Variants in RLN2 observed in about 807,000 individuals in gnomAD.
RLN2 encodes the protein prorelaxin H2.
In RLN2, 10 loss-of-function variants were observed where a neutral mutation model predicts 7.3. The observed-to-expected ratio is 1.36, with a 90% CI of 0.84 to 2.31. The LOEUF (loss-of-function observed/expected upper bound fraction) is 2.31, where lower values mean the gene tolerates loss of function less well. Ranked by LOEUF, RLN2 falls within the 30% of genes most tolerant of loss-of-function variation. The pLI is 0.00. For missense variants in RLN2, 298 were observed against 217.6 expected (o/e 1.37, Z -2.32); for synonymous variants, 103 against 82.3 (o/e 1.25, Z -1.36).
rs373653414 is a variant in RLN2, at chr9:5,300,288, C to G, written c.368G>C (p.Ser123Thr). The G allele has an allele frequency of 4.3e-6, 7 of 1,613,846 alleles. No homozygotes were observed. In the African/African-American group the frequency reaches 9.3e-5, roughly 22 times the overall value. ...TTTCTTAAATTCTTCAAAGAGAAGA[C>G]TGGAATCTTTTAATACAGGTACATG... ...QQHVPVLKDS[S>T]LLFEEFKKLI... is the part of the protein sequence containing the mutation. Residue 123 changes from serine (S) to threonine (T), a missense_variant, in exon 2 of 2, where the codon AGT becomes ACT. By Grantham distance (58) the Ser-to-Thr change is moderately conservative (BLOSUM62 1). Coordinates refer to ENST00000381627, the MANE Select transcript of RLN2 (RefSeq NM_134441.3).
the RLN2 span, among the ~76,000 whole-genome samples, chr9:5,321,188 T>G: frequency 6.6e-6 from 1 of 152,118 alleles, no homozygotes; most frequent in African/African-American, 2.4e-5. Context: ...ATTTTAGTGG[T>G]AAGTATGAAT....
chr9:5,300,465 G>T (rs41313460), intron 1 of RLN2, 21 bp from the exon 2 acceptor site: 6 of 1,525,700 alleles, frequency 3.9e-6, no homozygotes, highest in South Asian at 2.4e-5. Context: ...TAAAAAAAAA[G>T]GTGTATGTGA....
Position 5,301,963 on chromosome 9 carries a change from C to G in RLN2, c.212-1519G>C, listed in dbSNP as rs1178854261. 3.3e-5 allele frequency among the ~76,000 whole-genome samples: 5 copies of G among 152,200 alleles called. No homozygotes were observed. The East Asian group carries it at 9.6e-4, about 29-fold the overall frequency. On this transcript the variant is annotated intron_variant, in intron 1 of 1. Transcript: ENST00000381627. ...AATGAGAGGTTTTGGCATTTCCCCT[C>G]AGTAAGACATCCTAAGTTTAATTCA... is the stretch of plus-strand genomic sequence containing the variant.
chr9:5,311,251 A>C, the RLN2 span, among the ~76,000 whole-genome samples: 2 of 152,000 alleles, frequency 1.3e-5, no homozygotes, highest in Non-Finnish European at 2.9e-5. Flanking sequence ...TTTATTTCAC[A>C]TGTACAAGAT....
upstream of RLN2, among the ~76,000 whole-genome samples, chr9:5,307,884 T>C (rs1182644587): frequency 6.6e-6 from 1 of 152,070 alleles, no homozygotes; most frequent in Non-Finnish European, 1.5e-5. Flanking sequence ...TTTTAAAATA[T>C]ATAAAACCCT....
chr9:5,328,109 TCTC>T, the RLN2 span, among the ~76,000 whole-genome samples: 1 of 151,686 alleles, frequency 6.6e-6, no homozygotes, highest in Admixed American at 6.6e-5. Flanking sequence ...ATAACAAACT[TCTC>T]CTAGCTAAAG....
chr9:5,304,604 G>A lies in RLN2; in HGVS notation c.-24C>T, dbSNP rs2130993643. ...ATCCTGGGCCTGGTCTCTCCTGGAG[G>A]TCGGGACGTTGCAGCCTTTCAGGAC... On this transcript the variant is annotated 5_prime_UTR_variant, in exon 1 of 2. Transcript: ENST00000381627. The A allele has an allele frequency of 1.2e-6, 2 of 1,610,704 alleles. No individual in the cohort carries two copies. The highest frequency in any genetic ancestry group is 4.5e-5 in the East Asian group (2 of 44,832).
the RLN2 span, among the ~76,000 whole-genome samples, chr9:5,333,554 G>A: frequency 0.32 from 48,447 of 151,684 alleles, 8,881 homozygotes; most frequent in Non-Finnish European, 0.4. Flanking sequence ...AACAGCCCAG[G>A]TCCTGATGGA....
At chr9:5,329,098 T>C in the RLN2 span, among the ~76,000 whole-genome samples, 3 of 150,870 alleles carry the variant, frequency 2.0e-5, no homozygotes, top group Admixed American at 2.0e-4. Flanking sequence ...GGTCAGGAGA[T>C]CGAGACCATC....
chr9:5,322,178 G>C, the RLN2 span, among the ~76,000 whole-genome samples: 3 of 151,996 alleles, frequency 2.0e-5, no homozygotes, highest in African/African-American at 7.2e-5. Flanking sequence ...TTCCAAGTGG[G>C]AGCTTCTCTT....
At chr9:5,327,552 G>C in the RLN2 span, among the ~76,000 whole-genome samples, 1 of 152,052 alleles carries the variant, frequency 6.6e-6, no homozygotes, top group African/African-American at 2.4e-5. Flanking sequence ...AGAGAGCAGT[G>C]GTTCTCTCAG....
chr9:5,307,949 A>G (rs1057303384), upstream of RLN2, among the ~76,000 whole-genome samples: 1 of 151,998 alleles, frequency 6.6e-6, no homozygotes, highest in African/African-American at 2.4e-5. Context: ...TTTCTACAAA[A>G]TTCTTATTGT....
At chr9:5,323,255 C>T in the RLN2 span, among the ~76,000 whole-genome samples, 11 of 151,862 alleles carry the variant, frequency 7.2e-5, no homozygotes, top group Non-Finnish European at 1.6e-4. Context: ...GGTGGGACTC[C>T]TGTGCATATG....
chr9:5,327,043 T>G, the RLN2 span, among the ~76,000 whole-genome samples: 2 of 151,924 alleles, frequency 1.3e-5, no homozygotes, highest in African/African-American at 2.4e-5. Flanking sequence ...CTGGAACTGG[T>G]TGAACAGTGG....
At position 5,300,214 on chromosome 9, in the gene RLN2, A is replaced by G. The variant is rs778493478; in HGVS notation, c.442T>C (p.Leu148=). ...SEAADSSPSE[L]KYLGLDTHSR... is the part of the protein sequence containing the mutation. ...TGAGTATCCAAGCCTAAGTATTTTA[A>G]TTCTGAAGGACTGCTGTCTGCGGCT... Residue 148 remains leucine (L), a synonymous_variant, in exon 2 of 2, where the codon TTA becomes CTA. Coordinates refer to ENST00000381627, the MANE Select transcript of RLN2 (RefSeq NM_134441.3). 3.2e-5 allele frequency: 51 copies of G among 1,613,952 alleles called. No homozygotes were observed. In the South Asian group the frequency reaches 5.5e-4, roughly 17 times the overall value.
At chr9:5,306,842 G>A (rs1025865430), upstream of RLN2, among the ~76,000 whole-genome samples, 14 of 152,038 alleles carry the variant, frequency 9.2e-5, 1 homozygote, top group African/African-American at 3.1e-4. Context: ...AGGAACATTC[G>A]AGGCTGTAAG....
In RLN2 at chr9:5,304,439, C is replaced by T. The variant is rs745448792; in HGVS notation, c.142G>A (p.Gly48Ser). The change falls in exon 1 of 2, where the codon GGC becomes AGC. Residue 48 changes from glycine to serine, a missense_variant. Gly to Ser is a moderately conservative substitution (Grantham distance 56). Transcript: ENST00000381627. Reference sequence around the variant, plus strand: ...GACCTTTTGCTCCAGGTGCTCATGCCGCAAATGGCAATCTGCGCGCGAACT... The same window carrying T: ...GACCTTTTGCTCCAGGTGCTCATGCTGCAAATGGCAATCTGCGCGCGAACT... ...ELVRAQIAIC[G>S]MSTWSKRSLS... is the part of the protein sequence containing the mutation. The T allele has an allele frequency of 2.5e-6, 4 of 1,612,666 alleles. No homozygotes were observed. Among genetic ancestry groups the T allele is most frequent in the Non-Finnish European group, 3.4e-6 (4 of 1,179,646 alleles).
chr9:5,323,697 A>G, the RLN2 span, among the ~76,000 whole-genome samples: 3 of 152,106 alleles, frequency 2.0e-5, no homozygotes, highest in African/African-American at 7.2e-5. Flanking sequence ...TAAGTGTACT[A>G]ATGTCTTTAA....
upstream of RLN2, among the ~76,000 whole-genome samples, chr9:5,309,398 A>G (rs7872613): frequency 6.3e-3 from 954 of 152,058 alleles, 18 homozygotes; most frequent in African/African-American, 0.022. Context: ...GCTGGCTTCT[A>G]CAAGGTTCTT....
Sources: allele counts gnomAD v4.1 joint callset (sites outside exome capture counted in the v4.1 genomes callset), GRCh38; gene constraint gnomAD v4.1.1; transcripts MANE v1.5; gene names NCBI Gene and HGNC (gene_info 2026-07-23, HGNC 2026-07-21).